Variants in B9D1 observed in about 807,000 individuals in gnomAD.
B9D1 encodes the protein B9 domain containing 1, also known as B9 domain-containing protein 1.
Under a neutral mutation model 26.1 loss-of-function variants are expected in B9D1, and 20 were observed. The observed-to-expected ratio is 0.77, with a 90% CI of 0.54 to 1.12. B9D1 has a LOEUF of 1.12. Among genes scored for constraint, B9D1 ranks in the 50% most tolerant of loss-of-function variants. The pLI is 0.00. For synonymous variants in B9D1, 105 were observed against 103.1 expected (o/e 1.02, Z -0.11); for missense variants, 260 against 273.7 (o/e 0.95, Z 0.35).
downstream of B9D1, among the ~76,000 whole-genome samples, chr17:19,339,751 G>A (rs1433621443): frequency 3.3e-5 from 5 of 152,160 alleles, no homozygotes; most frequent in Non-Finnish European, 7.4e-5. Flanking sequence ...GCCTCAAAGG[G>A]TGCCATGGAC....
At chr17:19,376,043 T>G (rs1177528563) in intron 1 of B9D1, among the ~76,000 whole-genome samples, 1 of 152,232 alleles carries the variant, frequency 6.6e-6, no homozygotes, top group Non-Finnish European at 1.5e-5. Flanking sequence ...TGCAATATAT[T>G]TGGCCATAAA....
At chr17:19,365,242 C>T (rs939047526), upstream of B9D1, among the ~76,000 whole-genome samples, 12 of 152,246 alleles carry the variant, frequency 7.9e-5, no homozygotes, top group African/African-American at 2.7e-4. This position sits in a 1 kb window ranked among gnomAD's most constrained non-coding sequence, Gnocchi z 5.0. Flanking sequence ...GAGCAGCTCC[C>T]CCATGGTAAC....
At chr17:19,339,559 C>A (rs1211473929), downstream of B9D1, among the ~76,000 whole-genome samples, 1 of 152,204 alleles carries the variant, frequency 6.6e-6, no homozygotes, top group Non-Finnish European at 1.5e-5. Context: ...ATTTTCATAT[C>A]ATTTGCAATA....
At chr17:19,339,314 A>ACTCACACTGCACATCCTAT (rs535502276), downstream of B9D1, among the ~76,000 whole-genome samples, 19 of 151,958 alleles carry the variant, frequency 1.3e-4, no homozygotes, top group East Asian at 3.7e-3. Context: ...ACAGTAGCCA[A>ACTCACACTGCACATCCTAT]CTCACACTGC....
intron 3 of B9D1, among the ~76,000 whole-genome samples, chr17:19,349,590 C>A (rs1003871122): frequency 2.0e-5 from 3 of 152,026 alleles, no homozygotes; most frequent in African/African-American, 7.3e-5. Context: ...CTATGTTGCC[C>A]AGGCTAGTCT....
chr17:19,372,872 A>G lies in B9D1; in HGVS notation c.-298+4987T>C, dbSNP rs908559331. ...CCTGCGCTCCTCAAAGTTTTTAACC[A>G]CACCCACTCTTGCGGCAGAGGGGTG... On this transcript the variant is annotated intron_variant, in intron 1 of 5. Transcript: ENST00000477478. This position sits in a 1 kb window ranked among gnomAD's most constrained non-coding sequence, Gnocchi z 4.4. Among the ~76,000 whole-genome samples the G allele has an allele frequency of 1.1e-4, 16 of 152,256 alleles. No homozygotes were observed. Among genetic ancestry groups the G allele is most frequent in the African/African-American group, 3.9e-4 (16 of 41,540 alleles).
chr17:19,368,548 C>G (rs753070744), intron 1 of B9D1, among the ~76,000 whole-genome samples: 3 of 152,144 alleles, frequency 2.0e-5, no homozygotes. Flanking sequence ...CAGCAATGGT[C>G]TCCACAGTGA....
chr17:19,341,760 C>T (rs1907991078), downstream of B9D1, among the ~76,000 whole-genome samples: 1 of 152,206 alleles, frequency 6.6e-6, no homozygotes, highest in Admixed American at 6.5e-5. Context: ...AGCTGGCTGT[C>T]ACCAGGGTGG....
At chr17:19,335,609 T>A, downstream of B9D1, 72 of 547,486 alleles carry the variant, frequency 1.3e-4, no homozygotes, top group East Asian at 3.8e-4. Flanking sequence ...GTCCCTAGGC[T>A]AAGACAGGGG....
intron 1 of B9D1, among the ~76,000 whole-genome samples, chr17:19,361,331 C>G (rs1911037910): frequency 6.6e-6 from 1 of 152,170 alleles, no homozygotes; most frequent in African/African-American, 2.4e-5. Flanking sequence ...CAAAACCAGT[C>G]CCTGGTGCCA....
At chr17:19,360,431 T>C in intron 1 of B9D1, 43 bp from the exon 2 acceptor site, 1 of 1,565,762 alleles carries the variant, frequency 6.4e-7, no homozygotes, top group Non-Finnish European at 8.8e-7. Context: ...GTATTCATGC[T>C]GAGGCCAATG....
downstream of B9D1, chr17:19,336,702 C>T (rs1346984297): frequency 1.3e-5 from 2 of 152,566 alleles, no homozygotes; most frequent in Admixed American, 6.5e-5. Context: ...TATAATTTAT[C>T]ATTTGTACCA....
downstream of B9D1, among the ~76,000 whole-genome samples, chr17:19,338,093 C>G (rs541761264): frequency 8.5e-5 from 13 of 152,342 alleles, no homozygotes; most frequent in African/African-American, 2.6e-4. Context: ...ACTAGAAAGA[C>G]CTATGATCTG....
chr17:19,337,856 A>T, downstream of B9D1: 1 of 489,620 alleles, frequency 2.0e-6, no homozygotes. Flanking sequence ...CTCGGCCCCC[A>T]TCCAGATGTG....
downstream of B9D1, chr17:19,341,335 A>C: frequency 9.7e-6 from 12 of 1,231,710 alleles, no homozygotes; most frequent in Non-Finnish European, 1.2e-5. Flanking sequence ...AGCTGTGATA[A>C]AATGGGGCAG....
At chr17:19,341,450 C>A (rs1452100262), downstream of B9D1, 2 of 556,498 alleles carry the variant, frequency 3.6e-6, no homozygotes, top group Non-Finnish European at 5.4e-6. Context: ...GGAAAACTCA[C>A]GATGGAGGGA....
chr17:19,343,424 G>C lies in B9D1; in HGVS notation c.510C>G (p.Leu170=), dbSNP rs1436466258. Residue 170 remains leucine (L), a synonymous_variant, in exon 7 of 7, where the codon CTC becomes CTG. Coordinates refer to ENST00000261499, the MANE Select transcript of B9D1 (RefSeq NM_015681.6). ...RVRSQGFVTL[L]FNVVTKDMRK... ...TCATGTCCTTGGTCACCACGTTGAA[G>C]AGGAGGGTGACAAAGCCCTGAGAAC... 1.2e-6 allele frequency: 2 copies of C among 1,614,038 alleles called. No homozygotes were observed. The highest frequency in any genetic ancestry group is 3.3e-5 in the Admixed American group (2 of 60,010).
intron 3 of B9D1, among the ~76,000 whole-genome samples, chr17:19,348,953 G>T (rs1455654220): frequency 6.6e-6 from 1 of 152,112 alleles, no homozygotes; most frequent in South Asian, 2.1e-4. Flanking sequence ...TCCTCTGGGG[G>T]CCACGCACCC....
downstream of B9D1, among the ~76,000 whole-genome samples, chr17:19,341,522 A>C (rs1907963120): frequency 6.6e-6 from 1 of 152,188 alleles, no homozygotes; most frequent in African/African-American, 2.4e-5. Context: ...GCATGTCCTC[A>C]GGTAGGGTAA....
Sources: gnomAD v4.1 joint callset for allele counts (sites outside exome capture counted in the v4.1 genomes callset) on GRCh38, gnomAD v4.1.1 for gene constraint, Gnocchi (gnomAD v3.1) non-coding constraint, MANE v1.5 for transcripts, NCBI Gene and HGNC (gene_info 2026-07-23, HGNC 2026-07-21) for gene names.